Variants in JADE1 observed in about 807,000 individuals in gnomAD.
JADE1 encodes protein Jade-1.
A neutral mutation model predicts 81.8 loss-of-function variants in JADE1; 14 were observed. The observed-to-expected ratio is 0.17, with a 90% CI of 0.11 to 0.27. The LOEUF (loss-of-function observed/expected upper bound fraction) is 0.27, where lower values mean the gene tolerates loss of function less well. JADE1 is among the 10% of genes least tolerant of loss of function. The pLI, the probability that JADE1 is intolerant of heterozygous loss-of-function variation, is 1.00. For synonymous variants in JADE1, 353 were observed against 391.9 expected (o/e 0.90, Z 1.17); for missense variants, 690 against 1,047.9 (o/e 0.66, Z 4.71).
rs760114735 is a variant in JADE1, at chr4:128,871,608, G to A, written c.1875G>A (p.Val625=). The change falls in exon 11 of 11, where the codon GTG becomes GTA. Residue 625 remains valine (V), a synonymous_variant. Transcript: ENST00000226319. This position sits in a 1 kb window ranked among gnomAD's most constrained non-coding sequence, Gnocchi z 4.1. Reference sequence around the variant, plus strand: ...TGTGTGGTAGAAGGGAGGGGATGGTGGTCCCAGAGAGCTTTTTGGGTTTAG... The same window carrying A: ...TGTGTGGTAGAAGGGAGGGGATGGTAGTCCCAGAGAGCTTTTTGGGTTTAG... ...PDLCGRREGM[V]VPESFLGLEK... 1.2e-6 allele frequency: 2 copies of A among 1,614,172 alleles called. No individual in the cohort carries two copies. The highest frequency in any genetic ancestry group is 2.2e-5 in the South Asian group (2 of 91,082).
intron 6 of JADE1, among the ~76,000 whole-genome samples, chr4:128,855,244 G>A (rs1408511136): frequency 1.3e-5 from 2 of 152,208 alleles, no homozygotes; most frequent in African/African-American, 4.8e-5. Context: ...CCTGTGGAGT[G>A]TTTCGAGGAC....
chr4:128,840,823 G>T (rs574479475), intron 2 of JADE1, among the ~76,000 whole-genome samples: 37 of 152,216 alleles, frequency 2.4e-4, no homozygotes, highest in Non-Finnish European at 3.7e-4. Flanking sequence ...TTTTAAAGAA[G>T]AATTTTCTAA....
chr4:128,810,128 T>C (rs1726209228), intron 1 of JADE1: 1 of 152,620 alleles, frequency 6.6e-6, no homozygotes, highest in African/African-American at 2.4e-5. Flanking sequence ...GTCATTAATA[T>C]GGCGCCAAAA....
chr4:128,835,189 G>C (rs1325131268), intron 2 of JADE1, among the ~76,000 whole-genome samples: 1 of 152,184 alleles, frequency 6.6e-6, no homozygotes, highest in Non-Finnish European at 1.5e-5. Context: ...GTGGAGGAGA[G>C]GAATGATAGT....
At chr4:128,823,673 G>C (rs560311501) in intron 1 of JADE1, among the ~76,000 whole-genome samples, 76 of 152,236 alleles carry the variant, frequency 5.0e-4, no homozygotes, top group African/African-American at 1.8e-3. Flanking sequence ...ATTTAGACAA[G>C]ATTAAAACAT....
At chr4:128,826,875 G>A (rs369421876) in intron 1 of JADE1, among the ~76,000 whole-genome samples, 4 of 152,170 alleles carry the variant, frequency 2.6e-5, no homozygotes, top group South Asian at 2.1e-4. Context: ...GGTCCTCCGC[G>A]TGAATGGGCA....
intron 1 of JADE1, among the ~76,000 whole-genome samples, chr4:128,813,499 A>T (rs1579080086): frequency 6.8e-6 from 1 of 146,728 alleles, no homozygotes. Flanking sequence ...GCTCACTGCA[A>T]CCTCCGCCTC....
chr4:128,862,438 GT>G (rs368731069), intron 9 of JADE1: 19,795 of 1,032,052 alleles, frequency 0.019, no homozygotes, highest in East Asian at 0.044. Flanking sequence ...CTTCTTTGTG[GT>G]TTTTTTTTTT....
At chr4:128,868,192 C>T (rs1023507191) in intron 10 of JADE1, among the ~76,000 whole-genome samples, 3 of 152,174 alleles carry the variant, frequency 2.0e-5, no homozygotes, top group Non-Finnish European at 4.4e-5. Flanking sequence ...GTGTTCTCTG[C>T]TTACTGAGCA....
At chr4:128,860,986 T>A (rs557574606) in intron 8 of JADE1, among the ~76,000 whole-genome samples, 1 of 152,320 alleles carries the variant, frequency 6.6e-6, no homozygotes, top group African/African-American at 2.4e-5. Flanking sequence ...CTCCTATTTT[T>A]TGGGGTTTTT....
At chr4:128,857,986 C>A (rs765561793) in intron 8 of JADE1, among the ~76,000 whole-genome samples, 4 of 152,104 alleles carry the variant, frequency 2.6e-5, no homozygotes, top group Non-Finnish European at 5.9e-5. Flanking sequence ...TCTTTGAACA[C>A]GGCCTGGGTA....
At chr4:128,814,335 G>T (rs1726790014) in intron 1 of JADE1, among the ~76,000 whole-genome samples, 1 of 152,210 alleles carries the variant, frequency 6.6e-6, no homozygotes, top group Non-Finnish European at 1.5e-5. Flanking sequence ...CTTACGTATA[G>T]TAGGCACGTG....
intron 1 of JADE1, among the ~76,000 whole-genome samples, chr4:128,826,102 G>A (rs1482386401): frequency 6.6e-6 from 1 of 152,204 alleles, no homozygotes; most frequent in African/African-American, 2.4e-5. Flanking sequence ...TTTTGTCTCT[G>A]TAGCTATTAT....
intron 7 of JADE1, 78 bp from the exon 8 acceptor site, chr4:128,857,260 G>A: frequency 9.2e-7 from 1 of 1,082,232 alleles, no homozygotes; most frequent in Non-Finnish European, 1.4e-6. Context: ...GGAAAGTAAT[G>A]GATCTTTTAG....
chr4:128,849,675 T>G (rs1383297161), intron 5 of JADE1, among the ~76,000 whole-genome samples: 1 of 152,222 alleles, frequency 6.6e-6, no homozygotes, highest in East Asian at 1.9e-4. Flanking sequence ...TTCCCTCCGT[T>G]TATCTCTGTC....
chr4:128,831,904 C>G, intron 2 of JADE1, 94 bp downstream of exon 2: 1 of 1,120,288 alleles, frequency 8.9e-7, no homozygotes, highest in Non-Finnish European at 1.4e-6. Context: ...TGCTGAGGCC[C>G]TTTGCATGTC....
At chr4:128,847,998 TG>T (rs963459156) in intron 4 of JADE1, among the ~76,000 whole-genome samples, 4 of 151,960 alleles carry the variant, frequency 2.6e-5, no homozygotes, top group Admixed American at 2.6e-4. Flanking sequence ...TTATTTTGAG[TG>T]GGGTGAGTTG....
At chr4:128,863,980 T>C (rs1731584051) in intron 9 of JADE1, 1 of 985,334 alleles carries the variant, frequency 1.0e-6, no homozygotes, top group Non-Finnish European at 1.2e-6. Flanking sequence ...CATGCACTTC[T>C]AATTCTAAAC....
chr4:128,822,835 A>G (rs1039459307), intron 1 of JADE1, among the ~76,000 whole-genome samples: 3 of 152,210 alleles, frequency 2.0e-5, no homozygotes, highest in Non-Finnish European at 4.4e-5. Flanking sequence ...CACTATGAAC[A>G]TTTATATTCT....
Sources: gnomAD v4.1 joint callset for allele counts (sites outside exome capture counted in the v4.1 genomes callset) on GRCh38, gnomAD v4.1.1 for gene constraint, Gnocchi (gnomAD v3.1) non-coding constraint, MANE v1.5 for transcripts, NCBI Gene and HGNC (gene_info 2026-07-23, HGNC 2026-07-21) for gene names.